The following TXN2 variants were observed in gnomAD, a reference collection of about 807,000 sequenced individuals.
The protein encoded by TXN2 is thioredoxin, mitochondrial.
In TXN2, 12 loss-of-function variants were observed where a neutral mutation model predicts 14.6. The observed-to-expected ratio is 0.82, with a 90% CI of 0.53 to 1.33. The LOEUF (loss-of-function observed/expected upper bound fraction) is 1.33. Among genes scored for constraint, TXN2 ranks in the 40% most tolerant of loss-of-function variants. TXN2 has a pLI of 0.00. For missense variants in TXN2, 173 were observed against 207.7 expected, an observed-to-expected ratio of 0.83 and a Z score of 1.03; for synonymous variants, 89 against 81.0, an observed-to-expected ratio of 1.10 and a Z score of -0.53.
chr22:36,472,660 T>TG (rs1933306535), intron 3 of TXN2, among the ~76,000 whole-genome samples: 1 of 151,488 alleles, frequency 6.6e-6, no homozygotes, highest in Non-Finnish European at 1.5e-5. Flanking sequence ...CAGTGACTGC[T>TG]GGGGGGTTAA....
chr22:36,477,244 A>G (rs995952297), intron 2 of TXN2, among the ~76,000 whole-genome samples: 17 of 151,866 alleles, frequency 1.1e-4, no homozygotes, highest in African/African-American at 2.4e-4. Flanking sequence ...GTCTCGCTCT[A>G]TCCCCCAGGC....
chr22:36,477,853 T>C (rs1407539115), intron 2 of TXN2, among the ~76,000 whole-genome samples: 1 of 152,122 alleles, frequency 6.6e-6, no homozygotes, highest in East Asian at 1.9e-4. Context: ...AGTGTTTTCT[T>C]TGGCCGGGTG....
Position 36,480,676 on chromosome 22 carries a change from G to A in TXN2, c.162C>T (p.Thr54=). 1 of 1,614,140 alleles carries A rather than the reference G, an allele frequency of 6.2e-7. No homozygotes were observed. The highest frequency in any genetic ancestry group is 8.5e-7 in the Non-Finnish European group (1 of 1,180,028). ...VTPNPARTIY[T]TRISLTTFNI... ...TAAAGGTTGTCAAGGAGATCCTCGT[G>A]GTGTATATTGTCCGGGCTGGGTTGG... The change falls in exon 2 of 4, where the codon ACC becomes ACT. Residue 54 remains threonine, a synonymous_variant. Transcript: ENST00000216185.
chr22:36,475,183 G>A (rs1234833959), intron 3 of TXN2, among the ~76,000 whole-genome samples: 1 of 152,178 alleles, frequency 6.6e-6, no homozygotes, highest in Non-Finnish European at 1.5e-5. Context: ...ATCAAGACCA[G>A]CCTGGCTAAC....
At chr22:36,472,054 G>C (rs1196034476) in intron 3 of TXN2, among the ~76,000 whole-genome samples, 6 of 150,626 alleles carry the variant, frequency 4.0e-5, no homozygotes, top group African/African-American at 1.2e-4. Flanking sequence ...TTGTGCTTCT[G>C]CCCAGCAGCA....
intron 2 of TXN2, among the ~76,000 whole-genome samples, chr22:36,479,040 T>C (rs547797752): frequency 5.9e-5 from 9 of 152,188 alleles, no homozygotes; most frequent in East Asian, 3.9e-4. Flanking sequence ...GGTGGGAGGA[T>C]TGCTTGAGAT....
At position 36,473,848 on chromosome 22, in the gene TXN2, G is replaced by A. The variant is rs114072433; in HGVS notation, c.387+2885C>T. On this transcript the variant is annotated intron_variant, in intron 3 of 3. Transcript: ENST00000216185. ...GTGCCCACTCCCACAACAGCCTCCC[G>A]GGGACGGTCCTCGGCATTCCCGCCA... 8.6e-3 allele frequency among the ~76,000 whole-genome samples: 1,308 copies of A among 152,336 alleles called. 13 individuals carry two copies. The highest frequency in any genetic ancestry group is 0.042 in the East Asian group (218 of 5,192).
chr22:36,479,338 T>C (rs1290153664), intron 2 of TXN2, among the ~76,000 whole-genome samples: 2 of 151,302 alleles, frequency 1.3e-5, no homozygotes, highest in South Asian at 2.1e-4. Flanking sequence ...CTTTTTCTTT[T>C]TTTTTTTTTT....
intron 2 of TXN2, among the ~76,000 whole-genome samples, chr22:36,480,181 C>A (rs1351706709): frequency 2.6e-5 from 4 of 152,226 alleles, no homozygotes; most frequent in African/African-American, 9.6e-5. Flanking sequence ...CCGCACCCGG[C>A]CGACACTGAT....
chr22:36,478,552 C>T (rs11089792), intron 2 of TXN2, among the ~76,000 whole-genome samples: 80,040 of 151,860 alleles, frequency 0.53, 22,822 homozygotes, highest in Admixed American at 0.66. Flanking sequence ...TGCAATGGCG[C>T]GATCTCGGCT....
chr22:36,470,160 G>C (rs1261136185), intron 3 of TXN2, among the ~76,000 whole-genome samples: 1 of 152,166 alleles, frequency 6.6e-6, no homozygotes, highest in Non-Finnish European at 1.5e-5. Context: ...AGTTAGGAAA[G>C]GCACGCAGGC....
At chr22:36,481,058 C>G (rs573087605) in intron 1 of TXN2, 119 of 472,542 alleles carry the variant, frequency 2.5e-4, no homozygotes, top group African/African-American at 2.3e-3. Flanking sequence ...GCTTCACAAC[C>G]AAAAAGAAAT....
chr22:36,476,763 A>T lies in TXN2; in HGVS notation c.357T>A (p.Asp119Glu). ...GKVVMAKVDI[D>E]DHTDLAIEYE... ...ACTCAATGGCGAGGTCTGTGTGGTC[A>T]TCAATATCCACCTTGGCCATCACCA... Residue 119 changes from aspartate (D) to glutamate (E), a missense_variant, in exon 3 of 4, where the codon GAT becomes GAA. Coordinates refer to ENST00000216185, the MANE Select transcript of TXN2 (RefSeq NM_012473.4). The T allele has an allele frequency of 7.4e-6, 12 of 1,614,140 alleles. No individual in the cohort carries two copies. Among genetic ancestry groups the T allele is most frequent in the Non-Finnish European group, 1.0e-5 (12 of 1,180,022 alleles).
chr22:36,479,015 A>G (rs1270687140), intron 2 of TXN2, among the ~76,000 whole-genome samples: 1 of 152,160 alleles, frequency 6.6e-6, no homozygotes. Context: ...TAATCCTAGC[A>G]CTTTGGGAGG....
At chr22:36,473,404 T>C (rs1190793662) in intron 3 of TXN2, among the ~76,000 whole-genome samples, 1 of 151,970 alleles carries the variant, frequency 6.6e-6, no homozygotes, top group Admixed American at 6.6e-5. Context: ...GATCGTGCCA[T>C]TGCACTCCAG....
chr22:36,471,483 G>A (rs1346569945), intron 3 of TXN2, among the ~76,000 whole-genome samples: 2 of 152,144 alleles, frequency 1.3e-5, no homozygotes, highest in East Asian at 1.9e-4. Flanking sequence ...TGGGTGCTGC[G>A]GGATGTTGCA....
chr22:36,471,356 C>T (rs1933270609), intron 3 of TXN2, among the ~76,000 whole-genome samples: 1 of 152,102 alleles, frequency 6.6e-6, no homozygotes, highest in Non-Finnish European at 1.5e-5. Flanking sequence ...TCTGCTAACC[C>T]GTAGCTCGCC....
intron 3 of TXN2, among the ~76,000 whole-genome samples, chr22:36,469,816 C>T (rs1181530934): frequency 3.3e-5 from 5 of 152,032 alleles, no homozygotes; most frequent in Admixed American, 6.6e-5. Flanking sequence ...ATTAGCCGGG[C>T]GTGGTGGGGC....
At chr22:36,472,618 T>G (rs949605662) in intron 3 of TXN2, among the ~76,000 whole-genome samples, 9 of 151,310 alleles carry the variant, frequency 5.9e-5, no homozygotes, top group African/African-American at 1.9e-4. Context: ...AAACATAAAA[T>G]CCTCAAAAAG....
Sources: allele counts gnomAD v4.1 joint callset (sites outside exome capture counted in the v4.1 genomes callset), GRCh38; gene constraint gnomAD v4.1.1; transcripts MANE v1.5; gene names NCBI Gene and HGNC (gene_info 2026-07-23, HGNC 2026-07-21).